Variants in TUSC3 observed in about 807,000 individuals in gnomAD.
The protein encoded by TUSC3 is tumor suppressor candidate 3.
A neutral mutation model predicts 44.8 loss-of-function variants in TUSC3; 45 were observed. That is an observed-to-expected ratio of 1.00 (90% CI 0.79 to 1.29). The LOEUF (loss-of-function observed/expected upper bound fraction) is 1.29. Ranked by LOEUF, TUSC3 falls within the 50% of genes most tolerant of loss-of-function variation. TUSC3 has a pLI of 0.00. For missense variants in TUSC3, 519 were observed against 437.9 expected, an observed-to-expected ratio of 1.19 and a Z score of -1.65; for synonymous variants, 212 against 152.9, an observed-to-expected ratio of 1.39 and a Z score of -2.85.
chr8:15,686,760 G>A (rs780883585), intron 6 of TUSC3, among the ~76,000 whole-genome samples: 3 of 151,984 alleles, frequency 2.0e-5, no homozygotes, highest in Non-Finnish European at 4.4e-5. Flanking sequence ...ACATTATCCT[G>A]AAATTTTTAA....
At chr8:15,835,566 C>T in the TUSC3 span, among the ~76,000 whole-genome samples, 5 of 152,032 alleles carry the variant, frequency 3.3e-5, no homozygotes, top group East Asian at 9.7e-4. Context: ...TTTATACATT[C>T]CCCTCATATC....
the TUSC3 span, among the ~76,000 whole-genome samples, chr8:15,781,734 C>CAA: frequency 6.6e-6 from 1 of 152,080 alleles, no homozygotes; most frequent in South Asian, 2.1e-4. Context: ...GAATTAATAC[C>CAA]AACCCTTCTA....
chr8:15,462,301 A>G (rs1318242198), intron 1 of TUSC3, among the ~76,000 whole-genome samples: 1 of 152,132 alleles, frequency 6.6e-6, no homozygotes, highest in African/African-American at 2.4e-5. Flanking sequence ...ATAAACAACT[A>G]TTACAACTCA....
At chr8:15,574,079 A>G (rs947542798) in intron 1 of TUSC3, among the ~76,000 whole-genome samples, 2 of 152,048 alleles carry the variant, frequency 1.3e-5, no homozygotes, top group African/African-American at 4.8e-5. Flanking sequence ...TCTTGGATGG[A>G]CCTAACAAGA....
At chr8:15,724,818 T>G (rs1810439424) in intron 6 of TUSC3, among the ~76,000 whole-genome samples, 1 of 152,206 alleles carries the variant, frequency 6.6e-6, no homozygotes, top group Non-Finnish European at 1.5e-5. Context: ...TCATACTGAT[T>G]TGCATAAAAC....
chr8:15,594,736 T>C (rs1485403102), intron 1 of TUSC3, among the ~76,000 whole-genome samples: 1 of 152,194 alleles, frequency 6.6e-6, no homozygotes, highest in African/African-American at 2.4e-5. Flanking sequence ...ACTACTCTTA[T>C]GAATCAGGTT....
chr8:15,621,000 AGT>A (rs1376513081), intron 1 of TUSC3, among the ~76,000 whole-genome samples: 5 of 99,842 alleles, frequency 5.0e-5, no homozygotes, highest in Admixed American at 9.5e-5. Context: ...TCTGTGTGTG[AGT>A]GTGTGTTGTG....
At chr8:15,492,157 G>C (rs960649434) in intron 2 of TUSC3, among the ~76,000 whole-genome samples, 8 of 152,130 alleles carry the variant, frequency 5.3e-5, no homozygotes, top group Non-Finnish European at 1.2e-4. Flanking sequence ...AGTTGACCAG[G>C]CTATAGATAT....
chr8:15,774,558 A>AT, the TUSC3 span, among the ~76,000 whole-genome samples: 3 of 152,220 alleles, frequency 2.0e-5, no homozygotes, highest in African/African-American at 7.2e-5. Flanking sequence ...CAAGACCTTG[A>AT]TTTTTTACTT....
At chr8:15,700,053 C>A (rs1809329818) in intron 6 of TUSC3, among the ~76,000 whole-genome samples, 3 of 151,904 alleles carry the variant, frequency 2.0e-5, no homozygotes, top group African/African-American at 7.2e-5. Context: ...GATTAAATAC[C>A]CTGTCCTGTG....
intron 6 of TUSC3, among the ~76,000 whole-genome samples, chr8:15,686,541 A>G (rs926313860): frequency 6.6e-6 from 1 of 151,874 alleles, no homozygotes; most frequent in African/African-American, 2.4e-5. Flanking sequence ...ACTTTATCCA[A>G]CTTTCTTCAC....
At chr8:15,465,081 C>A (rs916032300) in intron 1 of TUSC3, among the ~76,000 whole-genome samples, 1 of 152,128 alleles carries the variant, frequency 6.6e-6, no homozygotes, top group African/African-American at 2.4e-5. Context: ...AACTCCTGAC[C>A]TCGTGATCCA....
intron 6 of TUSC3, among the ~76,000 whole-genome samples, chr8:15,695,647 G>A (rs1001236300): frequency 6.6e-6 from 1 of 152,168 alleles, no homozygotes; most frequent in Admixed American, 6.5e-5. Flanking sequence ...GAAAATGTGG[G>A]AAAGTTTGTA....
chr8:15,648,891 G>C (rs569649087), intron 2 of TUSC3, among the ~76,000 whole-genome samples: 4 of 151,928 alleles, frequency 2.6e-5, no homozygotes, highest in African/African-American at 4.8e-5. Context: ...TTGTGTTACC[G>C]TGTGAGACTT....
chr8:15,839,911 T>C, the TUSC3 span, among the ~76,000 whole-genome samples: 2 of 152,166 alleles, frequency 1.3e-5, no homozygotes, highest in African/African-American at 2.4e-5. Flanking sequence ...CGTGCTGCTA[T>C]AAAGGCACAT....
chr8:15,524,851 T>G (rs945529089), intron 2 of TUSC3, among the ~76,000 whole-genome samples: 10 of 152,200 alleles, frequency 6.6e-5, no homozygotes, highest in African/African-American at 2.4e-4. Context: ...TGTCTTTTAT[T>G]AAGCCAGACA....
At chr8:15,469,978 G>A (rs769324680) in intron 1 of TUSC3, among the ~76,000 whole-genome samples, 22 of 152,150 alleles carry the variant, frequency 1.4e-4, no homozygotes, top group Admixed American at 5.2e-4. Flanking sequence ...AGTGGAGGCT[G>A]GGTGAGGTGG....
At chr8:15,666,812 GAGTT>G (rs1365750007) in intron 5 of TUSC3, among the ~76,000 whole-genome samples, 1 of 151,288 alleles carries the variant, frequency 6.6e-6, no homozygotes, top group Non-Finnish European at 1.5e-5. Flanking sequence ...TGGCCATTTG[GAGTT>G]AGTTATGGTT....
At chr8:15,814,052 A>G in the TUSC3 span, among the ~76,000 whole-genome samples, 1 of 152,236 alleles carries the variant, frequency 6.6e-6, no homozygotes, top group African/African-American at 2.4e-5. Flanking sequence ...CACTGCCTGG[A>G]TGTAGAGTAC....
Sources: gnomAD v4.1 joint callset for allele counts (sites outside exome capture counted in the v4.1 genomes callset) on GRCh38, gnomAD v4.1.1 for gene constraint, MANE v1.5 for transcripts, NCBI Gene and HGNC (gene_info 2026-07-23, HGNC 2026-07-21) for gene names.